EXOC4: variants seen among roughly 807,000 people sequenced by gnomAD.
EXOC4 encodes exocyst complex component 4, also known as SEC8-like 1.
Under a neutral mutation model 107.2 loss-of-function variants are expected in EXOC4, and 71 were observed. The ratio of observed to expected loss-of-function variants is 0.66; its 90% confidence interval spans 0.55 to 0.81. The LOEUF (loss-of-function observed/expected upper bound fraction) is 0.81. Among genes scored for constraint, EXOC4 ranks in the 30% least tolerant of loss-of-function variants. The probability of loss-of-function intolerance (pLI) is 0.00; values close to 1 mark genes in which losing one functional copy is unlikely to be tolerated. For missense variants in EXOC4, 1,108 were observed against 1,189.6 expected (o/e 0.93, Z 1.01); for synonymous variants, 456 against 441.2 (o/e 1.03, Z -0.42).
At chr7:133,493,715 G>A (rs866778870) in intron 9 of EXOC4, among the ~76,000 whole-genome samples, 1 of 152,004 alleles carries the variant, frequency 6.6e-6, no homozygotes, top group African/African-American at 2.4e-5. Flanking sequence ...TTGAGAAAAT[G>A]TGTTTACCTC....
rs575597332 is a variant in EXOC4 at position 133,604,502 on chromosome 7, A to G, written c.1418-25543A>G. ...TAGGTGACAGGAATTTTTCTGCTCCATTAGAATGTTACAGGACCATCATGG... is the reference window on the plus strand; with the variant it reads ...TAGGTGACAGGAATTTTTCTGCTCCGTTAGAATGTTACAGGACCATCATGG... On this transcript the variant is annotated intron_variant, in intron 9 of 17. Transcript: ENST00000253861. 5.3e-5 allele frequency among the ~76,000 whole-genome samples: 8 copies of G among 152,198 alleles called. No individual in the cohort carries two copies. In the South Asian group the frequency reaches 1.7e-3, roughly 32 times the overall value.
intron 9 of EXOC4, among the ~76,000 whole-genome samples, chr7:133,509,252 C>T (rs1799721865): frequency 1.3e-5 from 2 of 151,954 alleles, no homozygotes; most frequent in African/African-American, 4.8e-5. Flanking sequence ...CGTGGTGAAA[C>T]CCCATTTCTA....
intron 7 of EXOC4, among the ~76,000 whole-genome samples, chr7:133,437,244 T>C (rs139725022): frequency 6.6e-6 from 1 of 152,166 alleles, no homozygotes; most frequent in Non-Finnish European, 1.5e-5. Context: ...GTTTTTAGAT[T>C]TTTATTCTGA....
At chr7:133,351,199 A>G (rs1008891198) in intron 5 of EXOC4, among the ~76,000 whole-genome samples, 4 of 152,114 alleles carry the variant, frequency 2.6e-5, no homozygotes, top group Middle Eastern at 6.8e-3. Context: ...TGGCTTTGGT[A>G]TCAGGGCAAT....
At chr7:134,028,745 C>T (rs1016964975) in intron 17 of EXOC4, among the ~76,000 whole-genome samples, 19 of 152,354 alleles carry the variant, frequency 1.2e-4, no homozygotes, top group African/African-American at 3.6e-4. Context: ...AGTTTAGGGT[C>T]ATCATGTGCC....
At chr7:133,914,654 A>C (rs1013450863) in intron 12 of EXOC4, among the ~76,000 whole-genome samples, 2 of 152,312 alleles carry the variant, frequency 1.3e-5, no homozygotes, top group African/African-American at 4.8e-5. Context: ...AGGAAAAAAA[A>C]ATTACAAACC....
At chr7:133,785,165 C>G (rs1796542952) in intron 10 of EXOC4, among the ~76,000 whole-genome samples, 1 of 152,154 alleles carries the variant, frequency 6.6e-6, no homozygotes, top group Non-Finnish European at 1.5e-5. Context: ...TTTATCAGCC[C>G]AAGTGCCCCT....
At chr7:133,831,394 C>T (rs1317425591) in intron 11 of EXOC4, among the ~76,000 whole-genome samples, 2 of 152,152 alleles carry the variant, frequency 1.3e-5, no homozygotes. Context: ...TGTTCTCCTT[C>T]ATTTTTGTAA....
chr7:133,490,131 C>G (rs1461246284), intron 9 of EXOC4, among the ~76,000 whole-genome samples: 3 of 152,158 alleles, frequency 2.0e-5, no homozygotes, highest in Non-Finnish European at 4.4e-5. Flanking sequence ...GCTACAACAA[C>G]AAGACAGAGG....
At chr7:133,386,133 C>T (rs1796721183) in intron 7 of EXOC4, among the ~76,000 whole-genome samples, 1 of 151,992 alleles carries the variant, frequency 6.6e-6, no homozygotes, top group Non-Finnish European at 1.5e-5. Context: ...GTCTTTTCCT[C>T]TTTTAAAATA....
chr7:134,071,833 T>G, the EXOC4 span, among the ~76,000 whole-genome samples: 3 of 152,150 alleles, frequency 2.0e-5, no homozygotes, highest in Admixed American at 2.0e-4. Context: ...CTCTGTGCTA[T>G]TTTGAGCCAA....
chr7:133,750,763 T>A (rs1021340624), intron 10 of EXOC4, among the ~76,000 whole-genome samples: 1 of 152,000 alleles, frequency 6.6e-6, no homozygotes, highest in Non-Finnish European at 1.5e-5. Flanking sequence ...TTATTTTCTG[T>A]AGATAGGGGA....
At chr7:133,822,333 T>C (rs532369388) in intron 11 of EXOC4, among the ~76,000 whole-genome samples, 4 of 152,310 alleles carry the variant, frequency 2.6e-5, no homozygotes, top group African/African-American at 9.6e-5. Flanking sequence ...TGGTTTACCA[T>C]TGATTTGGAG....
intron 10 of EXOC4, among the ~76,000 whole-genome samples, chr7:133,661,098 G>A (rs778703592): frequency 9.2e-4 from 140 of 152,200 alleles, no homozygotes; most frequent in African/African-American, 2.9e-3. Context: ...GCCAGGCAGG[G>A]CATTTTCATG....
At chr7:133,994,673 A>G (rs945846434) in intron 14 of EXOC4, among the ~76,000 whole-genome samples, 2 of 152,126 alleles carry the variant, frequency 1.3e-5, no homozygotes, top group Non-Finnish European at 2.9e-5. Flanking sequence ...TTAAAGCCCA[A>G]TACGCGTGGG....
chr7:134,025,241 A>G (rs1158637855), intron 17 of EXOC4, among the ~76,000 whole-genome samples: 2 of 152,232 alleles, frequency 1.3e-5, no homozygotes, highest in South Asian at 2.1e-4. Flanking sequence ...TATTATTACT[A>G]TTGAAGTTTC....
Position 133,306,081 on chromosome 7 carries a change from A to G in EXOC4, c.656+20A>G, listed in dbSNP as rs779337794. ...AATCAGGTTAAAGAGGCTCTTTGCT[A>G]TAAGTGTCTTGTGGCAGTGTAGGAT... On this transcript the variant is annotated intron_variant, in intron 4 of 17. Coordinates refer to ENST00000253861, the MANE Select transcript of EXOC4 (RefSeq NM_021807.4). 5 of 1,592,858 alleles carry G rather than the reference A, an allele frequency of 3.1e-6. No homozygotes were observed. Among genetic ancestry groups the G allele is most frequent in the South Asian group, 1.1e-5 (1 of 88,504 alleles).
chr7:133,421,615 A>G (rs1002659955), intron 7 of EXOC4, among the ~76,000 whole-genome samples: 1 of 152,204 alleles, frequency 6.6e-6, no homozygotes, highest in Non-Finnish European at 1.5e-5. Flanking sequence ...GGGTCCTTGC[A>G]GCATTTTTGC....
At chr7:133,756,583 C>G (rs1399463765) in intron 10 of EXOC4, among the ~76,000 whole-genome samples, 1 of 152,150 alleles carries the variant, frequency 6.6e-6, no homozygotes, top group Non-Finnish European at 1.5e-5. Flanking sequence ...GAATCCTCCT[C>G]CATTTAAAAT....
Sources: gnomAD v4.1 joint callset for allele counts (sites outside exome capture counted in the v4.1 genomes callset) on GRCh38, gnomAD v4.1.1 for gene constraint, MANE v1.5 for transcripts, NCBI Gene and HGNC (gene_info 2026-07-23, HGNC 2026-07-21) for gene names.